The following ZNF112 variants were observed in gnomAD, a reference collection of about 807,000 sequenced individuals.
ZNF112 encodes the protein zinc finger protein 112, also known as zinc finger protein 112 (Y14).
ZNF112 carries 37 observed loss-of-function variants against 77.7 expected under a neutral mutation model. The observed-to-expected ratio is 0.48, with a 90% CI of 0.37 to 0.63. ZNF112 has a LOEUF of 0.63. ZNF112 is among the 20% of genes least tolerant of loss of function. The probability of loss-of-function intolerance (pLI) is 0.00; values close to 1 mark genes in which losing one functional copy is unlikely to be tolerated. For synonymous variants in ZNF112, 333 were observed against 363.6 expected, an observed-to-expected ratio of 0.92 and a Z score of 0.96; for missense variants, 950 against 1,077.4, an observed-to-expected ratio of 0.88 and a Z score of 1.66.
chr19:44,354,893 T>A (rs145435699), intron 1 of ZNF112, among the ~76,000 whole-genome samples: 101 of 152,344 alleles, frequency 6.6e-4, no homozygotes, highest in Non-Finnish European at 1.2e-3. Flanking sequence ...CTTCCTCAAG[T>A]AAGGACCATT....
At chr19:44,336,283 G>T (rs1299028646) in intron 3 of ZNF112, among the ~76,000 whole-genome samples, 1 of 152,178 alleles carries the variant, frequency 6.6e-6, no homozygotes, top group East Asian at 1.9e-4. Flanking sequence ...ATTGAAGAGA[G>T]CAAAGATCAT....
Position 44,363,943 on chromosome 19 carries a change from CTT to C in ZNF112, c.17+3136_17+3137del, listed in dbSNP as rs938516699. Among the ~76,000 whole-genome samples the C allele has an allele frequency of 8.5e-5, 13 of 152,226 alleles. No homozygotes were observed. In the East Asian group the frequency reaches 1.2e-3, roughly 14 times the overall value. On this transcript the variant is annotated intron_variant, in intron 1 of 4. Coordinates refer to the ZNF112 transcript ENST00000588057. The stretch of plus-strand genomic sequence containing the variant: ...TTTTTTTTTGAGATGGAGTTTCACT[CTT>C]GTCATGCAGGCTGGAGTGCGGTGGC...
rs572921740 is a variant in ZNF112 at position 44,349,417 on chromosome 19, G to A, written c.-4+7209C>T. Among the ~76,000 whole-genome samples, 26 of 152,068 alleles carry A rather than the reference G, an allele frequency of 1.7e-4. No individual in the cohort carries two copies. In the South Asian group the frequency reaches 5.2e-3, roughly 30 times the overall value. ...TGTTACACTTTGAAGGCACAATGGAGGTGAAATATTTTGTGAATGAATTAG... is the reference window on the plus strand; with the variant it reads ...TGTTACACTTTGAAGGCACAATGGAAGTGAAATATTTTGTGAATGAATTAG... On this transcript the variant is annotated intron_variant, in intron 1 of 3. Transcript: ENST00000354340.
At chr19:44,344,775 A>G (rs1261337937) in intron 1 of ZNF112, among the ~76,000 whole-genome samples, 1 of 152,126 alleles carries the variant, frequency 6.6e-6, no homozygotes, top group East Asian at 1.9e-4. Context: ...TGACTGACCT[A>G]TATTTGCCAC....
intron 1 of ZNF112, among the ~76,000 whole-genome samples, chr19:44,352,944 A>G (rs994786940): frequency 1.7e-4 from 26 of 152,082 alleles, no homozygotes; most frequent in African/African-American, 6.0e-4. Context: ...GTCAATGAAA[A>G]TACCAGCTGA....
chr19:44,327,406 G>C lies in ZNF112; in HGVS notation c.*27C>G. On this transcript the variant is annotated 3_prime_UTR_variant, in exon 4 of 4. Transcript: ENST00000354340. ...TCTACTGAAAGAACTCTAGTGACTG[G>C]AAAATTTCAGCTCCCATTTGAGGAC... is the stretch of plus-strand genomic sequence containing the variant. 1 of 1,533,924 alleles carries C rather than the reference G, an allele frequency of 6.5e-7. No homozygotes were observed. Among genetic ancestry groups the C allele is most frequent in the South Asian group, 1.3e-5 (1 of 78,752 alleles).
At chr19:44,356,350 C>T (rs1485556023) in intron 1 of ZNF112, among the ~76,000 whole-genome samples, 1 of 151,054 alleles carries the variant, frequency 6.6e-6, no homozygotes. Flanking sequence ...TAGGAAGTGG[C>T]AGAGCTGGTT....
intron 1 of ZNF112, among the ~76,000 whole-genome samples, chr19:44,365,676 T>C (rs1039628556): frequency 1.3e-5 from 2 of 152,176 alleles, no homozygotes; most frequent in Non-Finnish European, 2.9e-5. Context: ...CCTTTTAATA[T>C]CTGCAAAATC....
At chr19:44,339,167 T>C (rs879878711) in intron 2 of ZNF112, among the ~76,000 whole-genome samples, 1 of 152,230 alleles carries the variant, frequency 6.6e-6, no homozygotes, top group Non-Finnish European at 1.5e-5. Flanking sequence ...TAAGAGAATA[T>C]TCCTCTTTTT....
intron 1 of ZNF112, among the ~76,000 whole-genome samples, chr19:44,346,193 GA>G (rs1292320237): frequency 1.5e-4 from 23 of 152,228 alleles, no homozygotes; most frequent in Non-Finnish European, 2.2e-4. Flanking sequence ...CCAGGCTACA[GA>G]ATCAAGCTGC....
intron 1 of ZNF112, among the ~76,000 whole-genome samples, chr19:44,363,730 A>G (rs888156537): frequency 2.6e-5 from 4 of 152,216 alleles, no homozygotes; most frequent in African/African-American, 9.6e-5. Flanking sequence ...CATACTTATA[A>G]AAGTCTTTTT....
At chr19:44,345,431 G>A (rs1199350799) in intron 1 of ZNF112, among the ~76,000 whole-genome samples, 1 of 152,178 alleles carries the variant, frequency 6.6e-6, no homozygotes, top group African/African-American at 2.4e-5. Flanking sequence ...AGTAACATGC[G>A]CTGTGGGTGT....
chr19:44,338,388 T>A (rs1232877932), intron 2 of ZNF112, among the ~76,000 whole-genome samples: 1 of 152,176 alleles, frequency 6.6e-6, no homozygotes, highest in Non-Finnish European at 1.5e-5. Context: ...AATACTTGTG[T>A]TACCCGATGA....
rs568068134 is a variant in ZNF112, at chr19:44,328,530, C to T, written c.1627G>A (p.Gly543Arg). 1.9e-5 allele frequency: 30 copies of T among 1,597,346 alleles called. 1 individual carries two copies. The highest frequency in any genetic ancestry group is 1.1e-4 in the South Asian group (10 of 90,072). Residue 543 changes from glycine to arginine, a missense_variant, in exon 4 of 4, where the codon GGA (glycine) becomes AGA (arginine). Around this residue, in one of 3 missense-constraint regions of ZNF112, gnomAD observed 373 missense variants for 482.8 expected, o/e 0.77. Coordinates refer to ENST00000354340, the MANE Select transcript of ZNF112 (RefSeq NM_013380.4). ...TCCTCGCATTTATAAGGTTTCTCTC[C>T]TGTGTGGACTCTCTGATGAACATTC... ...VLNVHQRVHT[G>R]EKPYKCEECD...
At chr19:44,354,641 A>T (rs1970753125) in intron 1 of ZNF112, among the ~76,000 whole-genome samples, 1 of 152,160 alleles carries the variant, frequency 6.6e-6, no homozygotes, top group African/African-American at 2.4e-5. Context: ...CAAATCCTTG[A>T]TGCCAGCTGT....
rs1223089918 is a variant in ZNF112, at chr19:44,327,533, CTT to C, written c.2622_2623del (p.Arg875SerfsTer3). On this transcript the variant is annotated frameshift_variant, in exon 4 of 4. Transcript: ENST00000354340. LOFTEE classifies it high-confidence loss of function. ...ATAGAATTTATCACTACTATGGACT[CTT>C]TGATGAATGAGAAGACCTGAGCTCC... 1 of 1,613,890 alleles carries C rather than the reference CTT, an allele frequency of 6.2e-7. No homozygotes were observed.
At chr19:44,342,193 A>C (rs1970502067) in intron 1 of ZNF112, among the ~76,000 whole-genome samples, 1 of 152,218 alleles carries the variant, frequency 6.6e-6, no homozygotes, top group Admixed American at 6.5e-5. Context: ...ATACAAACAT[A>C]TATAGATAAA....
At chr19:44,361,329 T>C (rs1328224280), upstream of ZNF112, among the ~76,000 whole-genome samples, 1 of 152,194 alleles carries the variant, frequency 6.6e-6, no homozygotes. Context: ...CAGCTGTTCA[T>C]TTTATATTCA....
At chr19:44,342,959 A>G (rs1312430050) in intron 1 of ZNF112, among the ~76,000 whole-genome samples, 4 of 152,166 alleles carry the variant, frequency 2.6e-5, no homozygotes, top group Non-Finnish European at 5.9e-5. Flanking sequence ...GAACAGTTAT[A>G]TTTAAAAAAA....
Sources: gnomAD v4.1 joint callset for allele counts (sites outside exome capture counted in the v4.1 genomes callset) on GRCh38, gnomAD v4.1.1 for gene constraint, gnomAD v4.1.1 regional missense constraint, MANE v1.5 for transcripts, NCBI Gene and HGNC (gene_info 2026-07-23, HGNC 2026-07-21) for gene names.